Variants in DHX58 observed in about 807,000 individuals in gnomAD.
The protein encoded by DHX58 is DExH-box helicase 58.
In DHX58, 51 loss-of-function variants were observed where a neutral mutation model predicts 65.0. The observed-to-expected ratio is 0.78, with a 90% CI of 0.63 to 0.99. The LOEUF (loss-of-function observed/expected upper bound fraction) is 0.99, where lower values mean the gene tolerates loss of function less well. DHX58 is among the 50% of genes least tolerant of loss of function. The pLI is 0.00. For missense variants in DHX58, 773 were observed against 891.8 expected (o/e 0.87, Z 1.70); for synonymous variants, 350 against 365.0 (o/e 0.96, Z 0.47).
chr17:42,107,555 C>T, intron 8 of DHX58, 49 bp downstream of exon 8: 1 of 1,487,088 alleles, frequency 6.7e-7, no homozygotes, highest in Non-Finnish European at 9.0e-7. Flanking sequence ...TCTGACCTCG[C>T]ATCCAGGTCC....
Position 42,101,417 on chromosome 17 carries a change from T to C in DHX58, c.*344A>G. Reference sequence around the variant, plus strand: ...AGACACCACACATTTTCTATCCCATTTTTTCATTTATTTTTATGAGGAGCC... The same window carrying C: ...AGACACCACACATTTTCTATCCCATCTTTTCATTTATTTTTATGAGGAGCC... On this transcript the variant is annotated 3_prime_UTR_variant, in exon 14 of 14. Coordinates refer to ENST00000251642, the MANE Select transcript of DHX58 (RefSeq NM_024119.3). 1 of 215,466 alleles carries C rather than the reference T, an allele frequency of 4.6e-6. No homozygotes were observed. Among genetic ancestry groups the C allele is most frequent in the South Asian group, 1.6e-4 (1 of 6,160 alleles). 13.3% of individuals were successfully genotyped at this position (215,466 alleles called of 1,614,324 possible).
At chr17:42,109,248 C>A in intron 6 of DHX58, 22 bp downstream of exon 6, 1 of 1,600,476 alleles carries the variant, frequency 6.2e-7, no homozygotes. Flanking sequence ...CCCGCTCTCG[C>A]CGTGTCCCTG....
chr17:42,111,695 G>A (rs781834097), intron 3 of DHX58, 30 bp downstream of exon 3: 7 of 1,587,996 alleles, frequency 4.4e-6, no homozygotes, highest in Admixed American at 1.7e-5. Context: ...GCTTGGTGGT[G>A]GGAGAGCGGG....
At position 42,104,874 on chromosome 17, in the gene DHX58, T is replaced by C; in HGVS notation, c.1455A>G (p.Glu485=). 1 of 1,614,152 alleles carries C rather than the reference T, an allele frequency of 6.2e-7. No individual in the cohort carries two copies. ...GCTCCCGCTTCAGCTCCCGGCTACC[T>C]TCAGTTGCTACAAACGCGTATACAC... ...DQSVYAFVAT[E]GSRELKRELI... Residue 485 remains glutamate, a synonymous_variant, in exon 11 of 14, where the codon GAA becomes GAG. Transcript: ENST00000251642.
chr17:42,107,139 A>T (rs1426504698), intron 8 of DHX58, among the ~76,000 whole-genome samples: 2 of 152,114 alleles, frequency 1.3e-5, no homozygotes, highest in African/African-American at 4.8e-5. Context: ...AGGCAGGAGG[A>T]TCACTTGAGC....
chr17:42,104,022 G>A (rs1433096246), intron 11 of DHX58, among the ~76,000 whole-genome samples: 6 of 152,080 alleles, frequency 3.9e-5, no homozygotes, highest in African/African-American at 9.7e-5. Flanking sequence ...TCAGGAGTTC[G>A]AGACCAGCCT....
chr17:42,111,771 T>C lies in DHX58; in HGVS notation c.122A>G (p.His41Arg). The C allele has an allele frequency of 6.2e-7, 1 of 1,614,008 alleles. No individual in the cohort carries two copies. The change falls in exon 3 of 14, where the codon CAC becomes CGC. Residue 41 changes from histidine (H) to arginine (R), a missense_variant. By Grantham distance (29) the His-to-Arg change is conservative (BLOSUM62 0). Coordinates refer to ENST00000251642, the MANE Select transcript of DHX58 (RefSeq NM_024119.3). ...CTTGGCTCCATCCACAGTCTCTAGG[T>C]GCCGCTTGGCCACATAAGCAGCCGC... ...TRAAAYVAKRHLETVDGAKVV... is the reference protein window; with the variant it reads ...TRAAAYVAKRRLETVDGAKVV...
rs2074158 is a variant in DHX58 at position 42,105,145 on chromosome 17, T to C, written c.1274A>G (p.Gln425Arg). ...GTTCAGGGTTCCATCTTGGAACTTCTGGATCACTTCTTGCTGGTCCCTCTG... is the reference window on the plus strand; with the variant it reads ...GTTCAGGGTTCCATCTTGGAACTTCCGGATCACTTCTTGCTGGTCCCTCTG... ...MTQRDQQEVI[Q>R]KFQDGTLNLL... is the part of the protein sequence containing the mutation. Residue 425 changes from glutamine to arginine, a missense_variant, in exon 10 of 14, where the codon CAG becomes CGG. Transcript: ENST00000251642. 321,673 of 1,613,196 alleles carry C rather than the reference T, an allele frequency of 0.2. 44,240 individuals carry two copies. Among genetic ancestry groups the C allele is most frequent in the African/African-American group, 0.73 (54,962 of 74,918 alleles).
chr17:42,105,318 G>T, intron 9 of DHX58, 151 bp from the exon 10 acceptor site: 2 of 1,089,184 alleles, frequency 1.8e-6, no homozygotes, highest in South Asian at 3.4e-5. Flanking sequence ...TTATCCCCAG[G>T]TACCCCCAGG....
intron 9 of DHX58, 44 bp downstream of exon 9, chr17:42,105,692 A>G: frequency 2.6e-6 from 4 of 1,521,744 alleles, no homozygotes; most frequent in South Asian, 1.3e-5. Context: ...CTTCTCTCCT[A>G]TGGAATCCCT....
At chr17:42,106,157 T>A (rs569655251) in intron 8 of DHX58, among the ~76,000 whole-genome samples, 168 bp from the exon 9 acceptor site, 106 of 130,552 alleles carry the variant, frequency 8.1e-4, no homozygotes, top group Admixed American at 7.9e-3. Context: ...AGACTCTGTC[T>A]GGGAAAAAAA....
chr17:42,107,824 A>G (rs2144001183), intron 7 of DHX58, 29 bp from the exon 8 acceptor site: 2 of 1,542,642 alleles, frequency 1.3e-6, no homozygotes, highest in South Asian at 1.2e-5. Flanking sequence ...GGGTCTGAGC[A>G]GCCCACAGCC....
At chr17:42,106,140 C>T (rs2054054323) in intron 8 of DHX58, 151 bp from the exon 9 acceptor site, 1 of 556,952 alleles carries the variant, frequency 1.8e-6, no homozygotes. Context: ...GGCTGTGTAA[C>T]AGAGTGAGAC....
At chr17:42,108,208 AC>A in intron 6 of DHX58, 100 bp from the exon 7 acceptor site, 3 of 1,557,586 alleles carry the variant, frequency 1.9e-6, no homozygotes, top group Non-Finnish European at 1.7e-6. Context: ...CGACTGCCTC[AC>A]CCATCTGTCT....
At position 42,102,304 on chromosome 17, in the gene DHX58, T is replaced by C. The variant is rs1268542085; in HGVS notation, c.1763A>G (p.Tyr588Cys). Residue 588 changes from tyrosine (Y) to cysteine (C), a missense_variant, in exon 13 of 14, where the codon TAT becomes TGT. Transcript: ENST00000251642. Reference protein sequence around the residue: ...VNVNPNFSNYYNVSRDPVVIN... With the variant: ...VNVNPNFSNYCNVSRDPVVIN... Reference sequence around the variant, plus strand: ...GACCACAGGATCCCTGGAGACATTATAGTAGTTCCTGGAGAGGAAGGGGGG... The same window carrying C: ...GACCACAGGATCCCTGGAGACATTACAGTAGTTCCTGGAGAGGAAGGGGGG... The C allele has an allele frequency of 3.1e-6, 5 of 1,614,104 alleles. No individual in the cohort carries two copies. Among genetic ancestry groups the C allele is most frequent in the East Asian group, 2.2e-5 (1 of 44,882 alleles).
intron 5 of DHX58, among the ~76,000 whole-genome samples, chr17:42,110,056 G>A (rs369763717): frequency 8.7e-5 from 13 of 149,934 alleles, no homozygotes; most frequent in African/African-American, 2.9e-4. Flanking sequence ...GCATAGTGGT[G>A]GGTGCCTGTA....
intron 13 of DHX58, 77 bp from the exon 14 acceptor site, chr17:42,102,023 T>C: frequency 6.6e-7 from 1 of 1,504,502 alleles, no homozygotes; most frequent in Non-Finnish European, 9.0e-7. Flanking sequence ...TGGAATTCCC[T>C]GAATACAGGG....
Position 42,101,857 on chromosome 17 carries a change from G to A in DHX58, c.1941C>T (p.Ile647=), listed in dbSNP as rs782471953. The part of the protein sequence containing the change: ...SMLLETPQGR[I]QAKKWSRVPF... The stretch of plus-strand genomic sequence containing the variant: ...GCACGCGGGACCACTTTTTGGCCTG[G>A]ATCCGCCCCTGAGGGGTCTCCAGCA... The change falls in exon 14 of 14, where the codon ATC becomes ATT. Residue 647 remains isoleucine, a synonymous_variant. Coordinates refer to ENST00000251642, the MANE Select transcript of DHX58 (RefSeq NM_024119.3). 5 of 1,614,242 alleles carry A rather than the reference G, an allele frequency of 3.1e-6. No homozygotes were observed. The Admixed American group carries it at 8.3e-5, about 27-fold the overall frequency.
chr17:42,102,517 C>A (rs1336562041), intron 12 of DHX58: 2 of 551,184 alleles, frequency 3.6e-6, no homozygotes, highest in African/African-American at 3.8e-5. Flanking sequence ...CAGGTTCAAG[C>A]CTCAGCATCG....
Sources: allele counts gnomAD v4.1 joint callset (sites outside exome capture counted in the v4.1 genomes callset), GRCh38; gene constraint gnomAD v4.1.1; transcripts MANE v1.5; gene names NCBI Gene and HGNC (gene_info 2026-07-23, HGNC 2026-07-21).